Variants in TUSC3 observed in about 807,000 individuals in gnomAD.
The protein encoded by TUSC3 is dolichyl-diphosphooligosaccharide--protein glycosyltransferase subunit TUSC3.
TUSC3 carries 45 observed loss-of-function variants against 44.8 expected under a neutral mutation model. The ratio of observed to expected loss-of-function variants is 1.00; its 90% CI spans 0.79 to 1.29. TUSC3 has a LOEUF of 1.29. Among genes scored for constraint, TUSC3 ranks in the 50% most tolerant of loss-of-function variants. TUSC3 has a pLI of 0.00. For synonymous variants in TUSC3, 212 were observed against 152.9 expected, an observed-to-expected ratio of 1.39 and a Z score of -2.85; for missense variants, 519 against 437.9, an observed-to-expected ratio of 1.19 and a Z score of -1.65.
the TUSC3 span, among the ~76,000 whole-genome samples, chr8:15,844,734 A>C: frequency 1.3e-5 from 2 of 152,180 alleles, no homozygotes; most frequent in African/African-American, 2.4e-5. Flanking sequence ...TGCCTACCTC[A>C]TCAGAAAACC....
At chr8:15,754,591 T>C (rs1413967978) in intron 9 of TUSC3, among the ~76,000 whole-genome samples, 4 of 152,146 alleles carry the variant, frequency 2.6e-5, no homozygotes, top group African/African-American at 4.8e-5. Context: ...TTTTTTCCTT[T>C]TCTTAAGAAA....
intron 6 of TUSC3, among the ~76,000 whole-genome samples, chr8:15,711,321 T>G (rs1480828311): frequency 6.6e-6 from 1 of 151,800 alleles, no homozygotes; most frequent in Non-Finnish European, 1.5e-5. Flanking sequence ...ATTCTGCTCT[T>G]TTTTTCAAAT....
At chr8:15,506,843 C>G (rs1385720590) in intron 2 of TUSC3, among the ~76,000 whole-genome samples, 3 of 152,164 alleles carry the variant, frequency 2.0e-5, no homozygotes, top group Non-Finnish European at 4.4e-5. Flanking sequence ...GGCCCTGCCC[C>G]TTACCCGGAA....
At chr8:15,799,238 C>G in the TUSC3 span, among the ~76,000 whole-genome samples, 1 of 152,162 alleles carries the variant, frequency 6.6e-6, no homozygotes, top group Admixed American at 6.5e-5. Flanking sequence ...TGCTACCATT[C>G]CTCCTTAGCA....
chr8:15,746,335 G>A (rs530650834), intron 8 of TUSC3, among the ~76,000 whole-genome samples: 5 of 152,130 alleles, frequency 3.3e-5, no homozygotes, highest in Non-Finnish European at 7.4e-5. Context: ...TTGTGTATGT[G>A]CTTGTGTGTG....
intron 1 of TUSC3, among the ~76,000 whole-genome samples, chr8:15,568,209 G>C (rs1219672858): frequency 2.0e-5 from 3 of 152,164 alleles, no homozygotes; most frequent in Non-Finnish European, 4.4e-5. Context: ...GCACGAAAAA[G>C]TGTGGTGTGC....
At chr8:15,829,625 A>G in the TUSC3 span, among the ~76,000 whole-genome samples, 1 of 152,044 alleles carries the variant, frequency 6.6e-6, no homozygotes, top group Non-Finnish European at 1.5e-5. Context: ...TTATTAGTTT[A>G]TCAATCTTTT....
chr8:15,659,359 C>T (rs1295136433), intron 3 of TUSC3, 148 bp from the exon 4 acceptor site: 6 of 942,560 alleles, frequency 6.4e-6, no homozygotes, highest in Non-Finnish European at 9.4e-6. Context: ...TGAATTAAGA[C>T]AAATAAAAAC....
At chr8:15,781,594 G>GA in the TUSC3 span, among the ~76,000 whole-genome samples, 8 of 151,176 alleles carry the variant, frequency 5.3e-5, no homozygotes, top group African/African-American at 2.0e-4. Flanking sequence ...AATTCAGAAA[G>GA]AAAAAAAGAA....
intron 1 of TUSC3, among the ~76,000 whole-genome samples, chr8:15,565,551 G>T (rs567333044): frequency 6.6e-6 from 1 of 152,302 alleles, no homozygotes; most frequent in South Asian, 2.1e-4. Flanking sequence ...TCCAGGTGTA[G>T]AAATTCACCA....
intron 1 of TUSC3, among the ~76,000 whole-genome samples, chr8:15,588,573 G>A (rs1803690698): frequency 6.6e-6 from 1 of 152,004 alleles, no homozygotes; most frequent in Admixed American, 6.6e-5. Context: ...AGTCCAATTT[G>A]TCTATTTTTG....
the TUSC3 span, among the ~76,000 whole-genome samples, chr8:15,835,235 G>C: frequency 6.6e-6 from 1 of 152,028 alleles, no homozygotes; most frequent in Non-Finnish European, 1.5e-5. Context: ...ACTTATTTAC[G>C]TAGAGTTGAA....
At chr8:15,511,967 A>G (rs942780649) in intron 2 of TUSC3, among the ~76,000 whole-genome samples, 7 of 152,192 alleles carry the variant, frequency 4.6e-5, no homozygotes, top group Admixed American at 3.9e-4. Flanking sequence ...ATTCAATACA[A>G]TCCCCATCCA....
chr8:15,420,996 TTA>T (rs1799731870), intron 1 of TUSC3, among the ~76,000 whole-genome samples: 1 of 152,190 alleles, frequency 6.6e-6, no homozygotes, highest in African/African-American at 2.4e-5. Context: ...CACTAATTTT[TTA>T]TCTCTTCCCA....
At chr8:15,669,265 T>C (rs1476216546) in intron 5 of TUSC3, among the ~76,000 whole-genome samples, 1 of 151,820 alleles carries the variant, frequency 6.6e-6, no homozygotes, top group Non-Finnish European at 1.5e-5. Context: ...GCTGAAACAA[T>C]TGAATCCAAC....
intron 6 of TUSC3, among the ~76,000 whole-genome samples, chr8:15,678,602 T>C (rs1243697094): frequency 1.3e-5 from 2 of 152,210 alleles, no homozygotes; most frequent in Non-Finnish European, 2.9e-5. Flanking sequence ...TTTAAGAACA[T>C]CTATCTCTAT....
At chr8:15,822,683 G>T in the TUSC3 span, among the ~76,000 whole-genome samples, 1 of 152,174 alleles carries the variant, frequency 6.6e-6, no homozygotes, top group East Asian at 1.9e-4. Flanking sequence ...CCAGCAAAGG[G>T]GACAGAGAAG....
intron 1 of TUSC3, among the ~76,000 whole-genome samples, chr8:15,571,761 C>G (rs546624351): frequency 6.6e-6 from 1 of 152,248 alleles, no homozygotes; most frequent in Non-Finnish European, 1.5e-5. Flanking sequence ...CCTCTCAAAC[C>G]CTGCCACTGC....
the TUSC3 span, chr8:15,806,165 TG>T: frequency 2.1e-6 from 1 of 479,604 alleles, no homozygotes. Flanking sequence ...TAGCATCAGT[TG>T]ATGTGGAGTC....
Sources: gnomAD v4.1 joint callset for allele counts (sites outside exome capture counted in the v4.1 genomes callset) on GRCh38, gnomAD v4.1.1 for gene constraint, MANE v1.5 for transcripts, NCBI Gene and HGNC (gene_info 2026-07-23, HGNC 2026-07-21) for gene names.